The following PDE10A variants were observed in gnomAD, a reference collection of about 807,000 sequenced individuals.
PDE10A encodes the protein cAMP and cAMP-inhibited cGMP 3',5'-cyclic phosphodiesterase 10A.
In PDE10A, 39 loss-of-function variants were observed where a neutral mutation model predicts 97.7. The ratio of observed to expected loss-of-function variants is 0.40; its 90% CI spans 0.31 to 0.52. The LOEUF is 0.52. PDE10A is among the 20% of genes least tolerant of loss of function. PDE10A has a pLI of 0.56. For missense variants in PDE10A, 731 were observed against 1,047.8 expected, an observed-to-expected ratio of 0.70 and a Z score of 4.17; for synonymous variants, 371 against 376.8, an observed-to-expected ratio of 0.98 and a Z score of 0.18.
At chr6:165,467,302 C>G (rs1251074794) in intron 3 of PDE10A, among the ~76,000 whole-genome samples, 1 of 152,162 alleles carries the variant, frequency 6.6e-6, no homozygotes, top group African/African-American at 2.4e-5. Flanking sequence ...AAGTGGCTAT[C>G]CTAGAGAGTG....
chr6:165,735,310 ATAGGTAGGTTGG>A lies in PDE10A; in HGVS notation c.-614-191754_-614-191743del, dbSNP rs1187400433. On this transcript the variant is annotated intron_variant, in intron 1 of 19. Coordinates refer to the PDE10A transcript ENST00000366882. ...GGTAAGTAGGTAGGTTGGTAGATAG[ATAGGTAGGTTGG>A]TAGGTAGGTAGGTTAGTAGATAGAT... Among the ~76,000 whole-genome samples the A allele has an allele frequency of 5.4e-5, 8 of 147,976 alleles. No homozygotes were observed. The East Asian group carries it at 1.4e-3, about 26-fold the overall frequency.
At chr6:165,702,898 C>T (rs1286455644) in intron 1 of PDE10A, among the ~76,000 whole-genome samples, 1 of 152,162 alleles carries the variant, frequency 6.6e-6, no homozygotes, top group Non-Finnish European at 1.5e-5. Flanking sequence ...CCAGGACCTG[C>T]CGTGGGAAAG....
intron 1 of PDE10A, among the ~76,000 whole-genome samples, chr6:165,560,353 C>T (rs1282580541): frequency 6.6e-6 from 1 of 152,210 alleles, no homozygotes; most frequent in African/African-American, 2.4e-5. Context: ...CCTACAACTA[C>T]AAGAAACTAA....
intron 1 of PDE10A, among the ~76,000 whole-genome samples, chr6:165,981,537 C>T (rs1216121969): frequency 6.6e-6 from 1 of 152,116 alleles, no homozygotes; most frequent in Non-Finnish European, 1.5e-5. Flanking sequence ...GGGGCAGGTC[C>T]AAAGATGAGT....
At chr6:165,964,223 C>T (rs767802289) in intron 1 of PDE10A, among the ~76,000 whole-genome samples, 1 of 152,160 alleles carries the variant, frequency 6.6e-6, no homozygotes, top group Non-Finnish European at 1.5e-5. Context: ...CTCCATTGTC[C>T]TCCCTAAGCC....
chr6:165,674,492 G>T (rs557032558), intron 1 of PDE10A, among the ~76,000 whole-genome samples: 126 of 152,244 alleles, frequency 8.3e-4, no homozygotes, highest in Non-Finnish European at 1.4e-3. Context: ...TCAGATTGAC[G>T]TGCGTGCGTG....
chr6:165,374,841 CTTT>C (rs1483972230), intron 18 of PDE10A, among the ~76,000 whole-genome samples: 1 of 150,464 alleles, frequency 6.6e-6, no homozygotes, highest in Non-Finnish European at 1.5e-5. Context: ...CAAGTGCTTA[CTTT>C]GATTCTCTGT....
intron 19 of PDE10A, among the ~76,000 whole-genome samples, chr6:165,341,126 T>C (rs1781945278): frequency 6.6e-6 from 1 of 152,152 alleles, no homozygotes. Flanking sequence ...ATTGTGAGGA[T>C]GGAGAGAAGA....
At chr6:165,708,134 A>C (rs73028191) in intron 1 of PDE10A, among the ~76,000 whole-genome samples, 8,094 of 152,222 alleles carry the variant, frequency 0.053, 372 homozygotes, top group African/African-American at 0.12. Flanking sequence ...CTGCCCTCGC[A>C]TTGGAAGCCC....
At chr6:165,877,208 CT>C (rs1256789173) in intron 1 of PDE10A, among the ~76,000 whole-genome samples, 1 of 152,162 alleles carries the variant, frequency 6.6e-6, no homozygotes, top group Non-Finnish European at 1.5e-5. Flanking sequence ...ATTTAGTCTC[CT>C]TTCAGAAATG....
chr6:165,885,533 C>T (rs1257292004), intron 1 of PDE10A, among the ~76,000 whole-genome samples: 1 of 152,194 alleles, frequency 6.6e-6, no homozygotes, highest in Non-Finnish European at 1.5e-5. Flanking sequence ...CAAACCATAT[C>T]AGTGGGTGAG....
At chr6:165,679,985 A>T (rs957048254) in intron 1 of PDE10A, among the ~76,000 whole-genome samples, 1 of 151,892 alleles carries the variant, frequency 6.6e-6, no homozygotes, top group East Asian at 1.9e-4. Context: ...GCTGGTTATT[A>T]TGAGGCACCC....
intron 1 of PDE10A, among the ~76,000 whole-genome samples, chr6:165,556,996 G>A (rs189032115): frequency 1.8e-4 from 27 of 152,090 alleles, no homozygotes; most frequent in South Asian, 6.2e-4. Context: ...AAAATTAGCC[G>A]GGCGTGGTGG....
intron 1 of PDE10A, among the ~76,000 whole-genome samples, chr6:165,897,443 C>G (rs1781984719): frequency 6.6e-6 from 1 of 151,820 alleles, no homozygotes; most frequent in Admixed American, 6.6e-5. Context: ...TAGGGAGGGT[C>G]CCAGGGAGGA....
At chr6:165,635,808 C>T (rs535811541) in intron 1 of PDE10A, among the ~76,000 whole-genome samples, 9 of 151,990 alleles carry the variant, frequency 5.9e-5, no homozygotes, top group South Asian at 2.1e-4. Flanking sequence ...CCTTTAATAA[C>T]GATTAGAGAA....
chr6:165,630,207 G>A (rs1007695484), intron 1 of PDE10A, among the ~76,000 whole-genome samples: 2 of 152,102 alleles, frequency 1.3e-5, no homozygotes, highest in African/African-American at 4.8e-5. Context: ...AATTAGCCAG[G>A]CGTGGTAGCA....
rs564141088 is a variant in PDE10A at position 165,737,207 on chromosome 6, C to T, written c.-614-193639G>A. On this transcript the variant is annotated intron_variant, in intron 1 of 19. Coordinates refer to the PDE10A transcript ENST00000366882. ...TCATGGCTTCATGGTAGAGTTCTAT[C>T]AAACATTTAAAGAATTAATGCCAAG... 1.6e-3 allele frequency among the ~76,000 whole-genome samples: 250 copies of T among 152,270 alleles called. 8 individuals are homozygous for T. The South Asian group carries it at 0.049, about 30-fold the overall frequency.
chr6:165,576,377 A>C (rs757790761), intron 1 of PDE10A: 1 of 780,346 alleles, frequency 1.3e-6, no homozygotes, highest in Admixed American at 1.7e-5. Context: ...TGTCCCTTCT[A>C]AATTTCTTTT....
chr6:165,580,767 C>T (rs1241913475), intron 1 of PDE10A, among the ~76,000 whole-genome samples: 2 of 151,722 alleles, frequency 1.3e-5, no homozygotes, highest in Non-Finnish European at 2.9e-5. Flanking sequence ...AGTCTCCTAC[C>T]CAATGAGAAA....
Sources: gnomAD v4.1 joint callset for allele counts (sites outside exome capture counted in the v4.1 genomes callset) on GRCh38, gnomAD v4.1.1 for gene constraint, MANE v1.5 for transcripts, NCBI Gene and HGNC (gene_info 2026-07-23, HGNC 2026-07-21) for gene names.